Variants in BTBD7 observed in about 807,000 individuals in gnomAD.
BTBD7 encodes BTB/POZ domain-containing protein 7.
BTBD7 carries 38 observed loss-of-function variants against 99.9 expected under a neutral mutation model. That is an observed-to-expected ratio of 0.38 (90% CI 0.29 to 0.50). BTBD7 has a LOEUF of 0.50. Ranked by LOEUF, BTBD7 falls within the 20% of genes least tolerant of loss-of-function variation. BTBD7 has a pLI of 0.93. For missense variants in BTBD7, 1,170 were observed against 1,394.6 expected, an observed-to-expected ratio of 0.84 and a Z score of 2.57; for synonymous variants, 520 against 511.4, an observed-to-expected ratio of 1.02 and a Z score of -0.23.
chr14:93,318,859 T>C (rs1008963142), intron 1 of BTBD7, among the ~76,000 whole-genome samples: 5 of 152,230 alleles, frequency 3.3e-5, no homozygotes, highest in Non-Finnish European at 7.3e-5. Context: ...GGACTGTGTC[T>C]TATTTCAGTA....
chr14:93,281,472 A>T (rs886718317), intron 3 of BTBD7, among the ~76,000 whole-genome samples: 1 of 152,192 alleles, frequency 6.6e-6, no homozygotes, highest in African/African-American at 2.4e-5. Flanking sequence ...GTTATCACAG[A>T]GGAGTGAGAC....
At position 93,240,209 on chromosome 14, in the gene BTBD7, T is replaced by C. The variant is rs8013451; in HGVS notation, c.*2064A>G. On this transcript the variant is annotated 3_prime_UTR_variant, in exon 11 of 11. Coordinates refer to ENST00000334746, the MANE Select transcript of BTBD7 (RefSeq NM_001002860.4). ...GCTCGGGAGCGTGCACCACCACCAGTGTCACCGAGCGCACCCGCACAGCAG... is the reference window on the plus strand; with the variant it reads ...GCTCGGGAGCGTGCACCACCACCAGCGTCACCGAGCGCACCCGCACAGCAG... 0.6 allele frequency: 91,865 copies of C among 152,566 alleles called. 29,804 individuals are homozygous for C. Among genetic ancestry groups the C allele is most frequent in the African/African-American group, 0.87 (35,936 of 41,504 alleles). The allele number at this position is 152,566 out of a possible 1,614,324, so 9.5% of individuals were successfully genotyped here.
intron 1 of BTBD7, among the ~76,000 whole-genome samples, chr14:93,316,879 G>A (rs1467936978): frequency 6.6e-6 from 1 of 152,262 alleles, no homozygotes; most frequent in Non-Finnish European, 1.5e-5. Context: ...TTAAATCTGG[G>A]CAGAGTAAGC....
At chr14:93,310,770 C>CTT (rs56756515) in intron 1 of BTBD7, among the ~76,000 whole-genome samples, 2,163 of 116,628 alleles carry the variant, frequency 0.019, 112 homozygotes, top group African/African-American at 0.058. Flanking sequence ...AACCAAAAAA[C>CTT]TTTTTTTTTT....
At chr14:93,254,765 C>A (rs1439171329) in intron 6 of BTBD7, among the ~76,000 whole-genome samples, 2 of 152,162 alleles carry the variant, frequency 1.3e-5, no homozygotes, top group Non-Finnish European at 2.9e-5. Flanking sequence ...GAGGGCAATG[C>A]AGATGAAAGC....
intron 1 of BTBD7, among the ~76,000 whole-genome samples, chr14:93,317,215 G>A (rs891957713): frequency 2.6e-5 from 4 of 152,090 alleles, no homozygotes; most frequent in African/African-American, 9.7e-5. Flanking sequence ...ATGTTGGCCA[G>A]GCTGGTCTCG....
rs754931167 is a variant in BTBD7 at position 93,246,277 on chromosome 14, T to A, written c.2131A>T (p.Lys711Ter). The change falls in exon 10 of 11, where the codon AAA becomes TAA. Residue 711 changes from lysine to a stop codon, truncating the protein, a stop_gained. Transcript: ENST00000334746. LOFTEE classifies it high-confidence loss of function. ...CCAAAACGTTCATCAGGAAAGAATT[T>A]GTGAGGATTCTAAAAAAGATTAAAA... ...AAAELLQNPH[K>*]FFPDERFGDE... 1.3e-6 allele frequency: 2 copies of A among 1,490,052 alleles called. No homozygotes were observed. The highest frequency in any genetic ancestry group is 4.6e-5 in the East Asian group (2 of 43,206). The allele number at this position is 1,490,052 out of a possible 1,614,324, so 92.3% of individuals were successfully genotyped here.
chr14:93,254,586 G>A lies in BTBD7; in HGVS notation c.1609-796C>T, dbSNP rs138653215. ...CAACTCCTGCATTTAACAGCCATGT[G>A]ACCATGGACATCTCCTTTACCTGGG... On this transcript the variant is annotated intron_variant, in intron 6 of 10. Transcript: ENST00000334746. Among the ~76,000 whole-genome samples the A allele has an allele frequency of 2.8e-3, 425 of 152,260 alleles. 2 individuals carry two copies. The highest frequency in any genetic ancestry group is 4.5e-3 in the Non-Finnish European group (305 of 68,020).
chr14:93,276,980 C>A (rs561472830), intron 3 of BTBD7, among the ~76,000 whole-genome samples: 2 of 142,992 alleles, frequency 1.4e-5, no homozygotes, highest in East Asian at 4.3e-4. Flanking sequence ...CAGCTCACTG[C>A]AACCTCTGCC....
At chr14:93,315,891 C>T (rs2053197632) in intron 1 of BTBD7, among the ~76,000 whole-genome samples, 1 of 151,098 alleles carries the variant, frequency 6.6e-6, no homozygotes, top group Non-Finnish European at 1.5e-5. Context: ...AACATTTGTA[C>T]AAGTTGTGTA....
rs183505855 is a variant in BTBD7, at chr14:93,316,312, G to C, written c.-107+16508C>G. On this transcript the variant is annotated intron_variant, in intron 1 of 10. Transcript: ENST00000334746. ...ACAGTCTCACTCTGTCACTCAGGCT[G>C]AAGTGTGGTGGCACAATCATAGCTC... 1.7e-3 allele frequency among the ~76,000 whole-genome samples: 262 copies of C among 151,558 alleles called. 1 individual carries two copies. The highest frequency in any genetic ancestry group is 3.2e-3 in the Non-Finnish European group (214 of 67,920).
intron 9 of BTBD7, 129 bp downstream of exon 9, chr14:93,248,347 A>T: frequency 1.1e-6 from 1 of 913,298 alleles, no homozygotes; most frequent in South Asian, 1.8e-5. Context: ...GTTATCAAAG[A>T]CACCAAAGGC....
intron 1 of BTBD7, among the ~76,000 whole-genome samples, chr14:93,313,597 A>C (rs2053163093): frequency 6.6e-6 from 1 of 151,780 alleles, no homozygotes; most frequent in Non-Finnish European, 1.5e-5. Context: ...AATACAGAGA[A>C]ATGAGTTGAG....
In BTBD7 at chr14:93,253,793, A is replaced by T; in HGVS notation, c.1609-3T>A. On this transcript the variant is annotated splice_polypyrimidine_tract_variant and splice_region_variant and intron_variant, in intron 6 of 10. Transcript: ENST00000334746. ...GTACTAATCAAGCCTCTTTTCATCTAAAAAAAAATTTTTTTTTTAGATAGA... is the reference window on the plus strand; with the variant it reads ...GTACTAATCAAGCCTCTTTTCATCTTAAAAAAAATTTTTTTTTTAGATAGA... 3 of 1,517,540 alleles carry T rather than the reference A, an allele frequency of 2.0e-6. No homozygotes were observed. The highest frequency in any genetic ancestry group is 2.7e-6 in the Non-Finnish European group (3 of 1,125,938). 94.0% of individuals were successfully genotyped at this position (1,517,540 alleles called of 1,614,324 possible).
intron 3 of BTBD7, among the ~76,000 whole-genome samples, chr14:93,265,011 C>T (rs557357169): frequency 2.0e-5 from 3 of 152,280 alleles, no homozygotes; most frequent in Admixed American, 6.5e-5. Flanking sequence ...ATCACTTGAA[C>T]TCGAGAGGCG....
chr14:93,263,371 G>A (rs1187528130), intron 4 of BTBD7, among the ~76,000 whole-genome samples: 2 of 152,212 alleles, frequency 1.3e-5, no homozygotes, highest in African/African-American at 2.4e-5. Flanking sequence ...AATGTGAGCA[G>A]ATCAGAAATT....
At chr14:93,274,090 T>C (rs2052629572) in intron 3 of BTBD7, among the ~76,000 whole-genome samples, 1 of 152,236 alleles carries the variant, frequency 6.6e-6, no homozygotes, top group South Asian at 2.1e-4. Flanking sequence ...GATGAAGGTC[T>C]GGCTCACACC....
rs1595280158 is a variant in BTBD7, at chr14:93,242,442, G to A, written c.3230C>T (p.Ala1077Val). Residue 1077 changes from alanine (A) to valine (V), a missense_variant, in exon 11 of 11, where the codon GCA (alanine) becomes GTA (valine). Physicochemically the swap from Ala to Val is moderately conservative, Grantham distance 64. Coordinates refer to ENST00000334746, the MANE Select transcript of BTBD7 (RefSeq NM_001002860.4). ...GLTPNRPSLS[A>V]CSSEAPEERS... ...CTCTTCGGGAGCTTCAGAGCTACAT[G>A]CAGAAAGTGAAGGTCTGTTAGGAGT... The A allele has an allele frequency of 1.9e-6, 3 of 1,614,226 alleles. No individual in the cohort carries two copies. The highest frequency in any genetic ancestry group is 1.6e-4 in the Middle Eastern group (1 of 6,062).
At chr14:93,261,709 G>A in intron 4 of BTBD7, 32 bp from the exon 5 acceptor site, 2 of 1,503,210 alleles carry the variant, frequency 1.3e-6, no homozygotes, top group South Asian at 2.3e-5. Flanking sequence ...ATTTATTTTA[G>A]TGAAATTAGA....
Sources: allele counts gnomAD v4.1 joint callset (sites outside exome capture counted in the v4.1 genomes callset), GRCh38; gene constraint gnomAD v4.1.1; transcripts MANE v1.5; gene names NCBI Gene and HGNC (gene_info 2026-07-23, HGNC 2026-07-21).